Variants in SIMC1 observed in about 807,000 individuals in gnomAD.
SIMC1 encodes SUMO interacting motifs containing 1, also known as SUMO-interacting motif-containing protein 1.
A neutral mutation model predicts 82.3 loss-of-function variants in SIMC1; 55 were observed. The observed-to-expected ratio is 0.67, with a 90% CI of 0.54 to 0.84. SIMC1 has a LOEUF of 0.84. Ranked by LOEUF, SIMC1 falls within the 40% of genes least tolerant of loss-of-function variation. The pLI is 0.00. For synonymous variants in SIMC1, 353 were observed against 426.3 expected (o/e 0.83, Z 2.12); for missense variants, 915 against 1,107.2 (o/e 0.83, Z 2.46).
At chr5:176,313,257 C>CG (rs978789112) in intron 4 of SIMC1, 26 of 1,379,868 alleles carry the variant, frequency 1.9e-5, no homozygotes, top group Admixed American at 3.1e-5. Context: ...TTCTCTTTCT[C>CG]TGTTTTGCCA....
At chr5:176,244,587 T>C (rs996307781) in intron 1 of SIMC1, among the ~76,000 whole-genome samples, 62 of 152,028 alleles carry the variant, frequency 4.1e-4, no homozygotes, top group Non-Finnish European at 8.8e-5. Context: ...TAAAGGAGTG[T>C]GCTCACATGC....
intron 9 of SIMC1, among the ~76,000 whole-genome samples, chr5:176,339,102 G>C (rs941911735): frequency 3.9e-5 from 6 of 152,138 alleles, no homozygotes; most frequent in African/African-American, 1.4e-4. Flanking sequence ...GGTGGCTCAC[G>C]CCTGTAATCC....
chr5:176,295,524 C>G (rs567170087), intron 3 of SIMC1, among the ~76,000 whole-genome samples: 1 of 152,302 alleles, frequency 6.6e-6, no homozygotes, highest in African/African-American at 2.4e-5. Flanking sequence ...TACCAGGGTT[C>G]ATTCTGCAGC....
chr5:176,271,874 ATAAT>A, intron 1 of SIMC1, among the ~76,000 whole-genome samples: 1 of 142,920 alleles, frequency 7.0e-6, no homozygotes. Context: ...TATATAATAT[ATAAT>A]TATTATATAT....
At chr5:176,274,425 G>A (rs1343529484) in intron 1 of SIMC1, among the ~76,000 whole-genome samples, 4 of 151,678 alleles carry the variant, frequency 2.6e-5, no homozygotes, top group Admixed American at 1.3e-4. Flanking sequence ...AGATGAGTAG[G>A]TTGCAAAAAT....
At chr5:176,255,925 A>T (rs1171944212) in intron 1 of SIMC1, among the ~76,000 whole-genome samples, 2 of 152,110 alleles carry the variant, frequency 1.3e-5, no homozygotes, top group African/African-American at 4.8e-5. Context: ...CACCAAACAA[A>T]AAGATATACC....
chr5:176,284,098 C>T (rs1763147920), intron 1 of SIMC1, among the ~76,000 whole-genome samples: 1 of 152,160 alleles, frequency 6.6e-6, no homozygotes, highest in African/African-American at 2.4e-5. Context: ...ACCCCACTGT[C>T]ACCATTAGAC....
rs545658699 is a variant in SIMC1 at position 176,246,681 on chromosome 5, T to C, written c.129+8044T>C. On this transcript the variant is annotated intron_variant, in intron 1 of 9. Transcript: ENST00000429602. ...AACGTGCAGGTTTGTTACATAGGTATACACATGCCATGGTGGCTGCTGCAC... is the reference window on the plus strand; with the variant it reads ...AACGTGCAGGTTTGTTACATAGGTACACACATGCCATGGTGGCTGCTGCAC... Among the ~76,000 whole-genome samples the C allele has an allele frequency of 9.9e-5, 15 of 152,088 alleles. No individual in the cohort carries two copies. The South Asian group carries it at 1.9e-3, about 19-fold the overall frequency.
intron 1 of SIMC1, among the ~76,000 whole-genome samples, chr5:176,264,868 T>C (rs1762138920): frequency 6.6e-6 from 1 of 152,146 alleles, no homozygotes; most frequent in Admixed American, 6.5e-5. Context: ...CTGGTGCAAT[T>C]AGTTAAGAAA....
At chr5:176,324,267 C>G (rs1480600821) in intron 6 of SIMC1, among the ~76,000 whole-genome samples, 1 of 152,202 alleles carries the variant, frequency 6.6e-6, no homozygotes, top group African/African-American at 2.4e-5. Flanking sequence ...TTAAGTCACT[C>G]TGGACCTGTT....
intron 4 of SIMC1, chr5:176,313,443 C>G (rs1370766567): frequency 3.9e-6 from 6 of 1,549,174 alleles, no homozygotes; most frequent in Non-Finnish European, 5.2e-6. Context: ...ATCCTTTGAA[C>G]AAGTAATAAT....
intron 7 of SIMC1, 51 bp downstream of exon 7, chr5:176,324,808 A>C (rs1765307224): frequency 6.7e-7 from 1 of 1,497,666 alleles, no homozygotes; most frequent in Non-Finnish European, 8.9e-7. Context: ...AAAAACAAAA[A>C]AAACTCTTGG....
chr5:176,257,134 T>C (rs982673026), intron 1 of SIMC1, among the ~76,000 whole-genome samples: 1 of 152,194 alleles, frequency 6.6e-6, no homozygotes, highest in African/African-American at 2.4e-5. Flanking sequence ...GATTTCTTTA[T>C]TCAATAGCAT....
chr5:176,329,247 G>A (rs532125474), intron 7 of SIMC1, among the ~76,000 whole-genome samples: 19 of 152,196 alleles, frequency 1.2e-4, no homozygotes, highest in East Asian at 3.9e-4. Context: ...CGAGACTGGC[G>A]GATCACGAGG....
chr5:176,288,193 A>G (rs1763381915), intron 1 of SIMC1, among the ~76,000 whole-genome samples: 1 of 152,218 alleles, frequency 6.6e-6, no homozygotes, highest in African/African-American at 2.4e-5. Context: ...GAATCACCTG[A>G]GGTCAGGAGT....
intron 9 of SIMC1, among the ~76,000 whole-genome samples, chr5:176,342,636 C>G (rs138678123): frequency 3.8e-4 from 58 of 152,266 alleles, no homozygotes; most frequent in South Asian, 1.2e-3. Context: ...TCTAAGCATG[C>G]TTTTCCTCAG....
chr5:176,333,577 G>A (rs1036028598), intron 7 of SIMC1, among the ~76,000 whole-genome samples: 7 of 151,704 alleles, frequency 4.6e-5, no homozygotes, highest in Non-Finnish European at 7.4e-5. Flanking sequence ...TGACAGGTGC[G>A]CACCACCACG....
intron 9 of SIMC1, among the ~76,000 whole-genome samples, chr5:176,344,461 A>G (rs1202319134): frequency 7.8e-6 from 1 of 128,446 alleles, no homozygotes; most frequent in Non-Finnish European, 1.6e-5. Flanking sequence ...ACTTGAGGTC[A>G]GGAGTATACA....
intron 9 of SIMC1, among the ~76,000 whole-genome samples, chr5:176,337,692 C>G (rs186191597): frequency 6.6e-6 from 1 of 152,362 alleles, no homozygotes; most frequent in African/African-American, 2.4e-5. Flanking sequence ...ACTGCAGCAT[C>G]TTTGCTCACT....
Sources: gnomAD v4.1 joint callset for allele counts (sites outside exome capture counted in the v4.1 genomes callset) on GRCh38, gnomAD v4.1.1 for gene constraint, MANE v1.5 for transcripts, NCBI Gene and HGNC (gene_info 2026-07-23, HGNC 2026-07-21) for gene names.